Variants in TSC2 observed in about 807,000 individuals in gnomAD.
The protein encoded by TSC2 is tuberin.
A neutral mutation model predicts 202.2 loss-of-function variants in TSC2; 29 were observed. The ratio of observed to expected loss-of-function variants is 0.14; its 90% confidence interval spans 0.11 to 0.20. The LOEUF (loss-of-function observed/expected upper bound fraction) is 0.20. TSC2 is among the 10% of genes least tolerant of loss of function. The pLI, the probability that TSC2 is intolerant of heterozygous loss-of-function variation, is 1.00. For missense variants in TSC2, 2,429 were observed against 2,420.0 expected (o/e 1.00, Z -0.08); for synonymous variants, 1,349 against 1,044.0 (o/e 1.29, Z -5.63).
At chr16:2,062,273 C>T (rs978882698) in intron 12 of TSC2, among the ~76,000 whole-genome samples, 20 of 152,350 alleles carry the variant, frequency 1.3e-4, no homozygotes, top group African/African-American at 3.6e-4. Context: ...CCCAGGCGGC[C>T]GCAGTCATTT....
chr16:2,087,735 G>T, intron 38 of TSC2, 128 bp from the exon 39 acceptor site: 1 of 1,196,408 alleles, frequency 8.4e-7, no homozygotes, highest in Non-Finnish European at 1.2e-6. Flanking sequence ...CGCTGCCAGA[G>T]GGGAAAGTTC....
chr16:2,050,835 C>T (rs532888168), intron 3 of TSC2, among the ~76,000 whole-genome samples: 1 of 151,784 alleles, frequency 6.6e-6, no homozygotes, highest in Admixed American at 6.6e-5. Context: ...GAACCATATG[C>T]CTCAGCCTCC....
chr16:2,082,126 C>T (rs1357494139), intron 31 of TSC2: 3 of 588,690 alleles, frequency 5.1e-6, no homozygotes, highest in Non-Finnish European at 9.1e-6. Context: ...GGTTTGGACA[C>T]CTGAGCCCGC....
At chr16:2,053,881 G>T in intron 4 of TSC2, 1 of 466,132 alleles carries the variant, frequency 2.1e-6, no homozygotes, top group Non-Finnish European at 4.2e-6. Flanking sequence ...CCCCTGGTCG[G>T]CCACTTCTAC....
At chr16:2,071,175 G>T (rs949114188) in intron 17 of TSC2, among the ~76,000 whole-genome samples, 1 of 152,236 alleles carries the variant, frequency 6.6e-6, no homozygotes, top group Non-Finnish European at 1.5e-5. Flanking sequence ...GGCAGGGCTG[G>T]GAGCTGAGCT....
rs758383845 is a variant in TSC2, at chr16:2,089,318, C to T, written c.*708C>T. 45 of 277,302 alleles carry T rather than the reference C, an allele frequency of 1.6e-4. No homozygotes were observed. In the East Asian group the frequency reaches 2.2e-3, roughly 14 times the overall value. 17.2% of individuals were successfully genotyped at this position (277,302 alleles called of 1,614,324 possible). A position where few individuals can be genotyped will look rare whatever the true frequency, so the allele number is the denominator to read the frequency against. On this transcript the variant is annotated 3_prime_UTR_variant, in exon 42 of 42. Coordinates refer to ENST00000219476, the MANE Select transcript of TSC2 (RefSeq NM_000548.5). ...ACACAGTGAGACGGTGCAGGGAGTACGGTAGGAACTGGAGAGGTAATAACT... is the reference window on the plus strand; with the variant it reads ...ACACAGTGAGACGGTGCAGGGAGTATGGTAGGAACTGGAGAGGTAATAACT...
chr16:2,071,397 G>A, intron 17 of TSC2, 113 bp from the exon 18 acceptor site: 1 of 1,009,274 alleles, frequency 9.9e-7, no homozygotes, highest in East Asian at 2.6e-5. Flanking sequence ...ACATCAGCAG[G>A]TGGCCTTTTC....
intron 39 of TSC2, 21 bp from the exon 40 acceptor site, chr16:2,088,027 G>C (rs45517390): frequency 6.2e-7 from 1 of 1,611,618 alleles, no homozygotes; most frequent in Non-Finnish European, 8.5e-7. Flanking sequence ...TGGGCCTGGC[G>C]TGACCACCAA....
intron 33 of TSC2, among the ~76,000 whole-genome samples, 198 bp downstream of exon 33, chr16:2,084,014 G>A (rs575316301): frequency 1.3e-5 from 2 of 152,230 alleles, no homozygotes; most frequent in Admixed American, 1.3e-4. Flanking sequence ...GCAGCCTGTG[G>A]TCTCAGGGGA....
chr16:2,054,590 T>C (rs2151047617), intron 5 of TSC2, 150 bp downstream of exon 5: 1 of 1,216,670 alleles, frequency 8.2e-7, no homozygotes, highest in East Asian at 2.4e-5. Context: ...TGGGCTCACC[T>C]GCGTGGCCGG....
chr16:2,082,601 C>A, intron 32 of TSC2, 97 bp downstream of exon 32: 1 of 1,380,222 alleles, frequency 7.2e-7, no homozygotes. Flanking sequence ...CATGGTCCGT[C>A]TGCCTCCATT....
chr16:2,063,918 A>G (rs2086953571), intron 14 of TSC2: 1 of 413,730 alleles, frequency 2.4e-6, no homozygotes, highest in African/African-American at 2.0e-5. Context: ...GCACACAGCC[A>G]CACACACCCT....
At position 2,086,340 on chromosome 16, in the gene TSC2, G is replaced by A. The variant is rs771289256; in HGVS notation, c.4810G>A (p.Gly1604Ser). 1.9e-6 allele frequency: 3 copies of A among 1,612,908 alleles called. No homozygotes were observed. Among genetic ancestry groups the A allele is most frequent in the South Asian group, 1.1e-5 (1 of 91,084 alleles). The part of the protein sequence containing the change: ...LGGLDVCGED[G>S]QFTYCWHDDI... ...AGGCCTGGACGTGTGTGGTGAGGAC[G>A]GCCAGTTCACCTACTGCTGGCACGA... The change falls in exon 37 of 42, where the codon GGC becomes AGC. Residue 1604 changes from glycine (G) to serine (S), a missense_variant. Gly to Ser is a moderately conservative substitution (Grantham distance 56). Transcript: ENST00000219476.
chr16:2,077,228 C>T (rs908155904), intron 25 of TSC2, among the ~76,000 whole-genome samples: 41 of 152,318 alleles, frequency 2.7e-4, no homozygotes, highest in African/African-American at 9.1e-4. Context: ...AGTGCCGCCT[C>T]GGTCAGAGCT....
chr16:2,080,529 G>A (rs1256256676), intron 30 of TSC2, 152 bp downstream of exon 30: 11 of 888,806 alleles, frequency 1.2e-5, no homozygotes, highest in South Asian at 3.5e-5. Context: ...TGTGGCCCAC[G>A]CTGGAACGCA....
intron 7 of TSC2, 81 bp from the exon 8 acceptor site, chr16:2,056,563 G>T: frequency 6.4e-7 from 1 of 1,574,586 alleles, no homozygotes; most frequent in Non-Finnish European, 8.6e-7. Context: ...GGCTGAAGGA[G>T]GTGGGAAGGA....
intron 3 of TSC2, 40 bp from the exon 4 acceptor site, chr16:2,053,302 G>A: frequency 6.5e-7 from 1 of 1,547,120 alleles, no homozygotes; most frequent in Non-Finnish European, 8.7e-7. Context: ...AGGGTTCTTG[G>A]AGAGCACATC....
At chr16:2,062,670 G>C (rs1413227418) in intron 13 of TSC2, 70 bp downstream of exon 13, 2 of 1,505,736 alleles carry the variant, frequency 1.3e-6, no homozygotes, top group East Asian at 4.8e-5. Flanking sequence ...GCCCACCCGG[G>C]CTGGGTCTCA....
intron 10 of TSC2, 61 bp from the exon 11 acceptor site, chr16:2,060,609 A>T (rs941171370): frequency 6.2e-7 from 1 of 1,612,296 alleles, no homozygotes; most frequent in Non-Finnish European, 8.5e-7. Flanking sequence ...GGTGACTGGG[A>T]GGGCGTCCCA....
Sources: gnomAD v4.1 joint callset for allele counts (sites outside exome capture counted in the v4.1 genomes callset) on GRCh38, gnomAD v4.1.1 for gene constraint, MANE v1.5 for transcripts, NCBI Gene and HGNC (gene_info 2026-07-23, HGNC 2026-07-21) for gene names.